The following SYNE3 variants were observed in gnomAD, a reference collection of about 807,000 sequenced individuals.
SYNE3 encodes the protein nesprin-3.
In SYNE3, 100 loss-of-function variants were observed where a neutral mutation model predicts 111.2. The ratio of observed to expected loss-of-function variants is 0.90; its 90% confidence interval spans 0.77 to 1.06. The LOEUF (loss-of-function observed/expected upper bound fraction) is 1.06, where lower values mean the gene tolerates loss of function less well. SYNE3 is among the 50% of genes least tolerant of loss of function. The pLI, the probability that SYNE3 is intolerant of heterozygous loss-of-function variation, is 0.00. For synonymous variants in SYNE3, 547 were observed against 533.9 expected, an observed-to-expected ratio of 1.02 and a Z score of -0.34; for missense variants, 1,160 against 1,240.3, an observed-to-expected ratio of 0.94 and a Z score of 0.97.
intron 1 of SYNE3, among the ~76,000 whole-genome samples, chr14:95,487,676 C>T (rs1889617420): frequency 6.6e-6 from 1 of 152,218 alleles, no homozygotes; most frequent in Non-Finnish European, 1.5e-5. Context: ...CCCCTTTAAG[C>T]TCCCTGGCTG....
At chr14:95,441,145 T>C (rs1014479629) in intron 11 of SYNE3, among the ~76,000 whole-genome samples, 2 of 152,202 alleles carry the variant, frequency 1.3e-5, no homozygotes, top group Admixed American at 1.3e-4. Context: ...AATAAGGTCA[T>C]CATGACTCTC....
rs1000748891 is a variant in SYNE3, at chr14:95,415,073, T to C, written c.*2753A>G. ...CATGTGGTATATGTGACAGGCTGCA[T>C]ACATGCCCAGTGGCTGTTTTTTTCA... On this transcript the variant is annotated 3_prime_UTR_variant, in exon 18 of 18. Coordinates refer to ENST00000682763, the MANE Select transcript of SYNE3 (RefSeq NM_152592.6). 1 of 150,914 alleles carries C rather than the reference T, an allele frequency of 6.6e-6. No individual in the cohort carries two copies. The highest frequency in any genetic ancestry group is 1.5e-5 in the Non-Finnish European group (1 of 67,724). 9.3% of individuals were successfully genotyped at this position (150,914 alleles called of 1,614,324 possible).
In SYNE3 at chr14:95,443,279, T is replaced by C. The variant is rs750472860; in HGVS notation, c.1787A>G (p.Glu596Gly). 70 of 1,614,064 alleles carry C rather than the reference T, an allele frequency of 4.3e-5. No individual in the cohort carries two copies. Among genetic ancestry groups the C allele is most frequent in the Non-Finnish European group, 5.4e-5 (64 of 1,180,020 alleles). ...AQLSRLQGLQ[E>G]EGLDLGAQME... ...CTGTGCCCCCAAGTCCAGCCCCTCT[T>C]CCTGCAGCCCCTGCAGTAGAGAAGG... Residue 596 changes from glutamate (E) to glycine (G), a missense_variant, in exon 11 of 18, where the codon GAA becomes GGA. Transcript: ENST00000682763.
At chr14:95,423,027 C>T (rs1473205955) in intron 17 of SYNE3, among the ~76,000 whole-genome samples, 6 of 152,230 alleles carry the variant, frequency 3.9e-5, no homozygotes, top group Admixed American at 6.5e-5. Context: ...GTTCGCTCCC[C>T]GTAAGAACTC....
At chr14:95,430,202 A>G (rs1439676799) in intron 17 of SYNE3, among the ~76,000 whole-genome samples, 1 of 152,156 alleles carries the variant, frequency 6.6e-6, no homozygotes, top group Non-Finnish European at 1.5e-5. Flanking sequence ...CAGGGGGACC[A>G]GACTTGACAC....
chr14:95,489,515 C>G (rs1889733679), intron 1 of SYNE3, among the ~76,000 whole-genome samples: 1 of 152,234 alleles, frequency 6.6e-6, no homozygotes. Flanking sequence ...TACTGACACA[C>G]AGTAAGTGCT....
intron 1 of SYNE3, among the ~76,000 whole-genome samples, chr14:95,486,505 C>A (rs1379542052): frequency 6.6e-6 from 1 of 152,182 alleles, no homozygotes; most frequent in Non-Finnish European, 1.5e-5. Context: ...ACCTGCCTGG[C>A]TGGCTGGCCC....
At position 95,413,110 on chromosome 14, in the gene SYNE3, C is replaced by T. The variant is rs1172754143; in HGVS notation, c.*4716G>A. On this transcript the variant is annotated 3_prime_UTR_variant, in exon 18 of 18. Coordinates refer to ENST00000682763, the MANE Select transcript of SYNE3 (RefSeq NM_152592.6). ...TTGTCCTCAGAGGAAAGTTGGGAACCATGAAGGCACAGCCTGCCATTCCCA... is the reference window on the plus strand; with the variant it reads ...TTGTCCTCAGAGGAAAGTTGGGAACTATGAAGGCACAGCCTGCCATTCCCA... 1 of 152,114 alleles carries T rather than the reference C, an allele frequency of 6.6e-6. No individual in the cohort carries two copies. Among genetic ancestry groups the T allele is most frequent in the Non-Finnish European group, 1.5e-5 (1 of 68,038 alleles). The allele number at this position is 152,114 out of a possible 1,614,324, so 9.4% of individuals were successfully genotyped here. A position where few individuals can be genotyped will look rare whatever the true frequency, so the allele number is the denominator to read the frequency against.
In SYNE3 at chr14:95,410,422, G is replaced by A. The variant is rs1466407820; in HGVS notation, c.*7404C>T. 1 of 152,198 alleles carries A rather than the reference G, an allele frequency of 6.6e-6. No homozygotes were observed. Among genetic ancestry groups the A allele is most frequent in the Non-Finnish European group, 1.5e-5 (1 of 68,040 alleles). The allele number at this position is 152,198 out of a possible 1,614,324, so 9.4% of individuals were successfully genotyped here. ...ATGTTCCCAGACTCCTTGCAGATGTGGGGGAAAACATGTGACACAGTCCTG... is the reference window on the plus strand; with the variant it reads ...ATGTTCCCAGACTCCTTGCAGATGTAGGGGAAAACATGTGACACAGTCCTG... On this transcript the variant is annotated 3_prime_UTR_variant, in exon 18 of 18. Transcript: ENST00000682763.
chr14:95,512,607 C>T (rs774631166), intron 1 of SYNE3, among the ~76,000 whole-genome samples: 1 of 151,132 alleles, frequency 6.6e-6, no homozygotes, highest in Non-Finnish European at 1.5e-5. Context: ...AATCCTAGCA[C>T]TTTGGGAGGC....
At chr14:95,501,813 A>T (rs1006493770) in intron 1 of SYNE3, among the ~76,000 whole-genome samples, 2 of 152,202 alleles carry the variant, frequency 1.3e-5, no homozygotes, top group African/African-American at 4.8e-5. Flanking sequence ...GAAGGTGGAG[A>T]GTCTCAAGCC....
Position 95,436,970 on chromosome 14 carries a change from TAGA to T in SYNE3, c.2385_2387del (p.Leu796del), listed in dbSNP as rs76499929. The stretch of plus-strand genomic sequence containing the variant: ...CTTCATGGCTCCCTTCTTCTTCCTG[TAGA>T]AGATTTGCCTGTAGGATCACACACG... On this transcript the variant is annotated inframe_deletion, in exon 15 of 18. Coordinates refer to ENST00000682763, the MANE Select transcript of SYNE3 (RefSeq NM_152592.6). 0.13 allele frequency: 202,806 copies of T among 1,613,092 alleles called. 13,562 individuals carry two copies. The highest frequency in any genetic ancestry group is 0.24 in the East Asian group (10,981 of 44,866).
chr14:95,475,973 A>G, intron 1 of SYNE3, 138 bp from the exon 2 acceptor site: 1 of 806,192 alleles, frequency 1.2e-6, no homozygotes, highest in Non-Finnish European at 1.7e-6. Context: ...ATATGGCCAG[A>G]GGTGAGCACG....
intron 1 of SYNE3, among the ~76,000 whole-genome samples, chr14:95,511,549 A>T (rs577064365): frequency 2.6e-5 from 4 of 151,542 alleles, no homozygotes; most frequent in Non-Finnish European, 2.9e-5. Context: ...AAATACAAAA[A>T]AATAATAATA....
chr14:95,472,342 A>G (rs1426110596), intron 2 of SYNE3, among the ~76,000 whole-genome samples: 2 of 152,140 alleles, frequency 1.3e-5, no homozygotes, highest in African/African-American at 4.8e-5. Flanking sequence ...GTGCCACTGC[A>G]CTCCAGCCTG....
At chr14:95,419,299 A>G (rs116025809) in intron 17 of SYNE3, among the ~76,000 whole-genome samples, 19 of 152,318 alleles carry the variant, frequency 1.2e-4, no homozygotes, top group African/African-American at 4.3e-4. Context: ...GGGCAAATCA[A>G]TATTGGATCC....
At chr14:95,474,215 A>G (rs1357214615) in intron 2 of SYNE3, among the ~76,000 whole-genome samples, 1 of 152,244 alleles carries the variant, frequency 6.6e-6, no homozygotes, top group Admixed American at 6.5e-5. Context: ...AGAGTGGTGC[A>G]GATAGTGGGG....
intron 11 of SYNE3, among the ~76,000 whole-genome samples, chr14:95,440,555 C>G (rs1212911850): frequency 6.6e-6 from 1 of 152,220 alleles, no homozygotes; most frequent in African/African-American, 2.4e-5. Flanking sequence ...TGAATAAATA[C>G]ACGGTGGTAT....
chr14:95,461,093 G>A (rs1027167607), intron 4 of SYNE3, among the ~76,000 whole-genome samples: 1 of 152,220 alleles, frequency 6.6e-6, no homozygotes, highest in Non-Finnish European at 1.5e-5. Context: ...CAAACGGGAA[G>A]GTGCTCAACC....
Sources: allele counts gnomAD v4.1 joint callset (sites outside exome capture counted in the v4.1 genomes callset), GRCh38; gene constraint gnomAD v4.1.1; transcripts MANE v1.5; gene names NCBI Gene and HGNC (gene_info 2026-07-23, HGNC 2026-07-21).